The following PNLIPRP1 variants were observed in gnomAD, a reference collection of about 807,000 sequenced individuals.
PNLIPRP1 encodes pancreatic lipase related protein 1, also known as inactive pancreatic lipase-related protein 1.
Under a neutral mutation model 54.6 loss-of-function variants are expected in PNLIPRP1, and 57 were observed. That is an observed-to-expected ratio of 1.04 (90% CI 0.84 to 1.30). PNLIPRP1 has a LOEUF of 1.30. PNLIPRP1 is among the 50% of genes most tolerant of loss of function. The pLI is 0.00. For synonymous variants in PNLIPRP1, 232 were observed against 208.8 expected, an observed-to-expected ratio of 1.11 and a Z score of -0.96; for missense variants, 567 against 568.5, an observed-to-expected ratio of 1.00 and a Z score of 0.03.
rs954861842 is a variant in PNLIPRP1 at position 116,602,117 on chromosome 10, G to A, written c.1063+916G>A. On this transcript the variant is annotated intron_variant, in intron 10 of 12. Coordinates refer to ENST00000358834, the MANE Select transcript of PNLIPRP1 (RefSeq NM_006229.4). Reference sequence around the variant, plus strand: ...TACAACCTCCCCCTCCCGGGTTCACGCCATTCTCCTGCCTCAGCCTCCCGA... The same window carrying A: ...TACAACCTCCCCCTCCCGGGTTCACACCATTCTCCTGCCTCAGCCTCCCGA... 1.8e-4 allele frequency among the ~76,000 whole-genome samples: 27 copies of A among 151,160 alleles called. No individual in the cohort carries two copies. In the East Asian group the frequency reaches 4.1e-3, roughly 23 times the overall value.
chr10:116,597,038 C>T (rs189236592), intron 6 of PNLIPRP1, among the ~76,000 whole-genome samples: 364 of 152,270 alleles, frequency 2.4e-3, no homozygotes, highest in Non-Finnish European at 3.8e-3. Context: ...AGTGGGAGAA[C>T]TGAGATCCAG....
At chr10:116,592,986 G>A (rs375795431) in intron 4 of PNLIPRP1, 120 of 309,534 alleles carry the variant, frequency 3.9e-4, no homozygotes, top group African/African-American at 2.5e-3. Flanking sequence ...TGGCGAACAT[G>A]GTGAAACCCT....
chr10:116,594,606 C>A, intron 4 of PNLIPRP1, 124 bp from the exon 5 acceptor site: 1 of 1,039,988 alleles, frequency 9.6e-7, no homozygotes, highest in Non-Finnish European at 1.5e-6. Context: ...GATTCCCTAA[C>A]AGAGTCTAGT....
chr10:116,601,747 A>T (rs1012797061), intron 10 of PNLIPRP1, among the ~76,000 whole-genome samples: 1 of 152,170 alleles, frequency 6.6e-6, no homozygotes, highest in African/African-American at 2.4e-5. Flanking sequence ...CAGGGTAGAG[A>T]CTGGGCATGT....
At chr10:116,601,012 G>GA (rs1847827052) in intron 9 of PNLIPRP1, 60 bp from the exon 10 acceptor site, 3 of 1,496,740 alleles carry the variant, frequency 2.0e-6, no homozygotes, top group Middle Eastern at 3.6e-4. Flanking sequence ...TGCCCTCTCA[G>GA]ATGTATCGAT....
At chr10:116,597,688 C>G in intron 6 of PNLIPRP1, 140 bp from the exon 7 acceptor site, 4 of 931,256 alleles carry the variant, frequency 4.3e-6, no homozygotes, top group Non-Finnish European at 6.5e-6. Flanking sequence ...TATTTAGCAC[C>G]CAAGGCCATG....
At chr10:116,592,562 C>T (rs1847659097) in intron 4 of PNLIPRP1, 21 bp downstream of exon 4, 6 of 1,613,980 alleles carry the variant, frequency 3.7e-6, no homozygotes, top group Non-Finnish European at 5.1e-6. Context: ...GCTCTGATCC[C>T]TGTGGCCAGC....
At chr10:116,599,480 A>C (rs1193500863) in intron 8 of PNLIPRP1, among the ~76,000 whole-genome samples, 2 of 152,132 alleles carry the variant, frequency 1.3e-5, no homozygotes, top group Non-Finnish European at 2.9e-5. Context: ...TTGCAAGTAA[A>C]ATCAAGACAC....
rs782754481 is a variant in PNLIPRP1, at chr10:116,591,965, G to A, written c.204+40G>A. ...ATTTAAATGTCACTGTAACTGGCAC[G>A]GGGCTATGCCCACCCTGCAGACCAT... On this transcript the variant is annotated intron_variant, in intron 3 of 12. Transcript: ENST00000358834. The A allele has an allele frequency of 1.0e-4, 161 of 1,607,974 alleles. 2 individuals carry two copies. In the South Asian group the frequency reaches 1.3e-3, roughly 13 times the overall value.
Position 116,591,812 on chromosome 10 carries a change from A to C in PNLIPRP1, c.91A>C (p.Thr31Pro), listed in dbSNP as rs573785414. Residue 31 changes from threonine (T) to proline (P), a missense_variant, in exon 3 of 13, where the codon ACT becomes CCT. By Grantham distance (38) the Thr-to-Pro change is conservative (BLOSUM62 -1). Coordinates refer to ENST00000358834, the MANE Select transcript of PNLIPRP1 (RefSeq NM_006229.4). The part of the protein sequence containing the change: ...CYEDLGCFSD[T>P]EPWGGTAIRP... ...TGAGGACCTCGGGTGCTTTTCTGAC[A>C]CTGAGCCCTGGGGCGGGACAGCAAT... The C allele has an allele frequency of 1.9e-6, 3 of 1,614,208 alleles. No homozygotes were observed. Among genetic ancestry groups the C allele is most frequent in the Middle Eastern group, 3.3e-4 (2 of 6,062 alleles).
chr10:116,592,236 A>T, intron 3 of PNLIPRP1, 180 bp from the exon 4 acceptor site: 1 of 693,048 alleles, frequency 1.4e-6, no homozygotes, highest in South Asian at 2.0e-5. Flanking sequence ...TAGTGGAAGC[A>T]GTGATTACTC....
chr10:116,592,633 T>C (rs782560272), intron 4 of PNLIPRP1, 92 bp downstream of exon 4: 1 of 1,458,842 alleles, frequency 6.9e-7, no homozygotes, highest in South Asian at 1.1e-5. Flanking sequence ...AATCTTTACA[T>C]ATTAGGTAAC....
Position 116,596,227 on chromosome 10 carries a change from AC to A in PNLIPRP1, c.485del (p.Pro162LeufsTer26), listed in dbSNP as rs781856147. 4 of 1,610,852 alleles carry A rather than the reference AC, an allele frequency of 2.5e-6. No homozygotes were observed. Among genetic ancestry groups the A allele is most frequent in the African/African-American group, 1.3e-5 (1 of 74,748 alleles). On this transcript the variant is annotated frameshift_variant, in exon 6 of 13. Transcript: ENST00000358834. LOFTEE classifies it high-confidence loss of function. ...TTCCCTCTCCAGACAGAGTATAGCTACCCCCCTTCCAAAGTTCACCTCATTG... is the reference window on the plus strand; with the variant it reads ...TTCCCTCTCCAGACAGAGTATAGCTACCCCCTTCCAAAGTTCACCTCATTG... ...MLDILLTEYS[Y>X]PPSKVHLIGH...
chr10:116,609,101 C>T lies in PNLIPRP1; in HGVS notation c.1389C>T (p.Thr463=). 6.2e-7 allele frequency: 1 copy of T among 1,611,526 alleles called. No homozygotes were observed. The highest frequency in any genetic ancestry group is 8.5e-7 in the Non-Finnish European group (1 of 1,178,640). ...EDTVREDTLL[T]LTPC ...CAGTGCGGGAAGACACGCTGCTCAC[C>T]CTCACGCCCTGCTAAGCTCCCGGGG... The change falls in exon 13 of 13, where the codon ACC becomes ACT. Residue 463 remains threonine, a synonymous_variant. Transcript: ENST00000358834.
intron 8 of PNLIPRP1, among the ~76,000 whole-genome samples, chr10:116,599,354 C>T (rs1221134966): frequency 6.6e-6 from 1 of 151,566 alleles, no homozygotes; most frequent in Non-Finnish European, 1.5e-5. Context: ...TGAGGGTTTG[C>T]GTGCATAGGG....
In PNLIPRP1 at chr10:116,605,553, T is replaced by C. The variant is rs1554865483; in HGVS notation, c.1340T>C (p.Val447Ala). The part of the protein sequence containing the change: ...ITVQKGEEKT[V>A]YNFCSEDTVR... ...GTGCAAAAGGGAGAAGAGAAGACAG[T>C]GTATGTATCTTTGCTGGCTGGTGCC... Residue 447 changes from valine to alanine, a missense_variant and splice_region_variant, in exon 12 of 13, where the codon GTG (valine) becomes GCG (alanine). Coordinates refer to ENST00000358834, the MANE Select transcript of PNLIPRP1 (RefSeq NM_006229.4). 2 of 1,535,992 alleles carry C rather than the reference T, an allele frequency of 1.3e-6. No individual in the cohort carries two copies. Among genetic ancestry groups the C allele is most frequent in the African/African-American group, 2.7e-5 (2 of 73,470 alleles).
At chr10:116,594,186 C>T in intron 4 of PNLIPRP1, 1 of 373,404 alleles carries the variant, frequency 2.7e-6, no homozygotes, top group Non-Finnish European at 5.2e-6. Flanking sequence ...AAGACATTTT[C>T]CTTCCAGAAT....
chr10:116,592,877 G>C, intron 4 of PNLIPRP1: 2 of 371,602 alleles, frequency 5.4e-6, no homozygotes, highest in East Asian at 1.4e-4. Context: ...CCACATCCCT[G>C]AGAGGCTGAC....
chr10:116,607,623 T>C (rs1554865717), intron 12 of PNLIPRP1, among the ~76,000 whole-genome samples: 1 of 152,004 alleles, frequency 6.6e-6, no homozygotes, highest in African/African-American at 2.4e-5. Context: ...AAGTTAGGGC[T>C]TCTTGGCAGA....
Sources: gnomAD v4.1 joint callset for allele counts (sites outside exome capture counted in the v4.1 genomes callset) on GRCh38, gnomAD v4.1.1 for gene constraint, MANE v1.5 for transcripts, NCBI Gene and HGNC (gene_info 2026-07-23, HGNC 2026-07-21) for gene names.